MTFR1: variants seen among roughly 807,000 people sequenced by gnomAD.
MTFR1 encodes the protein mitochondrial fission regulator 1, also known as chondrocyte protein with a poly-proline region.
MTFR1 carries 28 observed loss-of-function variants against 38.8 expected under a neutral mutation model. That is an observed-to-expected ratio of 0.72 (90% CI 0.53 to 0.99). MTFR1 has a LOEUF of 0.99. Among genes scored for constraint, MTFR1 ranks in the 50% least tolerant of loss-of-function variants. MTFR1 has a pLI of 0.00. For synonymous variants in MTFR1, 145 were observed against 137.0 expected (o/e 1.06, Z -0.41); for missense variants, 358 against 395.5 (o/e 0.91, Z 0.81).
At chr8:65,693,860 G>GT in intron 4 of MTFR1, 101 bp downstream of exon 4, 1 of 819,462 alleles carries the variant, frequency 1.2e-6, no homozygotes, top group Non-Finnish European at 2.0e-6. Context: ...TTTATCTCTA[G>GT]TAATGCACCC....
At chr8:65,728,304 A>T (rs759993519) in intron 3 of MTFR1, 1 of 151,836 alleles carries the variant, frequency 6.6e-6, no homozygotes, top group Admixed American at 6.6e-5. Context: ...TGAAAATTTT[A>T]AAAATGAGAT....
chr8:65,689,752 T>C (rs1333863023), intron 3 of MTFR1, among the ~76,000 whole-genome samples: 1 of 152,186 alleles, frequency 6.6e-6, no homozygotes, highest in East Asian at 1.9e-4. Flanking sequence ...GTCCTTTGCA[T>C]CCCATGCCTG....
intron 1 of MTFR1, among the ~76,000 whole-genome samples, chr8:65,657,768 A>G (rs1809308224): frequency 6.6e-6 from 1 of 152,124 alleles, no homozygotes; most frequent in Non-Finnish European, 1.5e-5. Flanking sequence ...TAGAGAGAAC[A>G]ATAACTTCAC....
chr8:65,645,003 C>T (rs1808910823), intron 1 of MTFR1, among the ~76,000 whole-genome samples: 1 of 152,212 alleles, frequency 6.6e-6, no homozygotes, highest in African/African-American at 2.4e-5. Flanking sequence ...GGGTCGGGGG[C>T]TCCGGAGGAG....
intron 3 of MTFR1, chr8:65,739,502 C>T: frequency 6.5e-7 from 1 of 1,548,918 alleles, no homozygotes. Flanking sequence ...AATCACTTAC[C>T]TAAAAATCTA....
At chr8:65,704,229 C>T (rs1361964192) in intron 4 of MTFR1, among the ~76,000 whole-genome samples, 1 of 151,932 alleles carries the variant, frequency 6.6e-6, no homozygotes, top group Admixed American at 6.6e-5. Flanking sequence ...TACCCTGGCA[C>T]AATAGTGTTC....
intron 3 of MTFR1, among the ~76,000 whole-genome samples, chr8:65,753,832 T>C (rs1808085549): frequency 6.6e-6 from 1 of 152,234 alleles, no homozygotes; most frequent in South Asian, 2.1e-4. Flanking sequence ...CATTATTATA[T>C]CTTCCTGCTG....
intron 3 of MTFR1, among the ~76,000 whole-genome samples, chr8:65,764,403 AATG>A (rs1349559431): frequency 6.6e-6 from 1 of 152,264 alleles, no homozygotes; most frequent in African/African-American, 2.4e-5. Context: ...CTAAATTACA[AATG>A]ATGGATAGCT....
chr8:65,651,726 A>G (rs1014111669), intron 1 of MTFR1, among the ~76,000 whole-genome samples: 2 of 151,230 alleles, frequency 1.3e-5, no homozygotes, highest in African/African-American at 4.9e-5. Context: ...TTTGAAGTCC[A>G]GTTTTTTTCT....
At chr8:65,769,455 G>A (rs946227490) in intron 3 of MTFR1, among the ~76,000 whole-genome samples, 3 of 152,068 alleles carry the variant, frequency 2.0e-5, no homozygotes, top group African/African-American at 7.2e-5. Flanking sequence ...ACTACTTCTT[G>A]GCTAGAAGAA....
At chr8:65,753,211 T>A (rs1808049608) in intron 3 of MTFR1, among the ~76,000 whole-genome samples, 1 of 152,208 alleles carries the variant, frequency 6.6e-6, no homozygotes, top group Non-Finnish European at 1.5e-5. Context: ...CCAGTTTCCT[T>A]TTTTAAAAGT....
downstream of MTFR1, chr8:65,714,266 CGGAAGAGT>C (rs1806044045): frequency 6.6e-6 from 1 of 150,934 alleles, no homozygotes; most frequent in Admixed American, 6.6e-5. Context: ...CCAGTATAGA[CGGAAGAGT>C]TTCAATATAA....
downstream of MTFR1, among the ~76,000 whole-genome samples, chr8:65,713,371 G>A (rs898983437): frequency 4.0e-5 from 6 of 151,552 alleles, no homozygotes; most frequent in East Asian, 1.2e-3. Context: ...AACCTGGAAG[G>A]TGGAGGTTGC....
chr8:65,695,006 A>C (rs534624045), intron 4 of MTFR1, among the ~76,000 whole-genome samples: 1 of 152,336 alleles, frequency 6.6e-6, no homozygotes, highest in South Asian at 2.1e-4. Flanking sequence ...CGTGACTCTA[A>C]GAAACATAGA....
chr8:65,757,096 A>C (rs1808269504), intron 3 of MTFR1, among the ~76,000 whole-genome samples: 1 of 152,120 alleles, frequency 6.6e-6, no homozygotes, highest in African/African-American at 2.4e-5. Flanking sequence ...GAAGCTTCAT[A>C]ATGTCAGCAT....
intron 3 of MTFR1, among the ~76,000 whole-genome samples, chr8:65,767,997 G>A (rs182283366): frequency 1.3e-5 from 2 of 152,058 alleles, no homozygotes; most frequent in East Asian, 1.9e-4. Flanking sequence ...TAGGAACTGA[G>A]CCCTTAACCT....
At chr8:65,758,072 T>C (rs1209344264) in intron 3 of MTFR1, among the ~76,000 whole-genome samples, 1 of 152,260 alleles carries the variant, frequency 6.6e-6, no homozygotes, top group African/African-American at 2.4e-5. Flanking sequence ...GTTTGGTCTC[T>C]GTGCTAGTCC....
downstream of MTFR1, among the ~76,000 whole-genome samples, chr8:65,712,058 A>G (rs2129060907): frequency 6.6e-6 from 1 of 152,326 alleles, no homozygotes; most frequent in South Asian, 2.1e-4. Context: ...CAAGATTTTA[A>G]CCAAAGGTAT....
chr8:65,753,592 C>T (rs745690882), intron 3 of MTFR1, among the ~76,000 whole-genome samples: 9 of 150,996 alleles, frequency 6.0e-5, no homozygotes, highest in East Asian at 2.0e-4. Flanking sequence ...AATGTGCACT[C>T]GAGAAGAATT....
Sources: allele counts gnomAD v4.1 joint callset (sites outside exome capture counted in the v4.1 genomes callset), GRCh38; gene constraint gnomAD v4.1.1; transcripts MANE v1.5; gene names NCBI Gene and HGNC (gene_info 2026-07-23, HGNC 2026-07-21).